PAX6: variants seen among roughly 807,000 people sequenced by gnomAD.
PAX6 encodes the protein paired box 6.
Under a neutral mutation model 60.7 loss-of-function variants are expected in PAX6, and 7 were observed. That is an observed-to-expected ratio of 0.12 (90% CI 0.07 to 0.22). The LOEUF is 0.22. PAX6 is among the 10% of genes least tolerant of loss of function. The probability of loss-of-function intolerance (pLI) is 1.00; values close to 1 mark genes in which losing one functional copy is unlikely to be tolerated. For missense variants in PAX6, 355 were observed against 555.2 expected (o/e 0.64, Z 3.62); for synonymous variants, 208 against 201.2 (o/e 1.03, Z -0.29).
chr11:31,812,364 C>A, upstream of PAX6: 1 of 147,772 alleles, frequency 6.8e-6, no homozygotes, highest in Non-Finnish European at 1.5e-5. Context: ...GTCGGTATGT[C>A]AGCGTGTGTC....
upstream of PAX6, chr11:31,814,990 G>GTCTCTCTCTCTCCCTCTCTCTC (rs1957306754): frequency 7.7e-6 from 1 of 130,368 alleles, no homozygotes; most frequent in Non-Finnish European, 1.6e-5. Context: ...AGGCCAGCCT[G>GTCTCTCTCTCTCCCTCTCTCTC]TCTCTCTCTC....
In PAX6 at chr11:31,794,062, G is replaced by C; in HGVS notation, c.777C>G (p.Ala259=). The change falls in exon 10 of 14, where the codon GCC becomes GCG. Residue 259 remains alanine, a synonymous_variant. Transcript: ENST00000640368. The part of the protein sequence containing the change: ...PDVFARERLA[A]KIDLPEARIQ... ...TTCTTGCTTCAGGTAGATCTATTTT[G>C]GCTGCTAGTCTTTCTCGGGCAAACA... 6.2e-7 allele frequency: 1 copy of C among 1,611,170 alleles called. No homozygotes were observed. The highest frequency in any genetic ancestry group is 8.5e-7 in the Non-Finnish European group (1 of 1,177,346).
intron 1 of PAX6, chr11:31,816,765 G>A (rs1402509619): frequency 1.1e-5 from 7 of 641,150 alleles, no homozygotes; most frequent in Non-Finnish European, 2.0e-5. Context: ...AGCTCCGAAG[G>A]TGCTCCCAGA....
chr11:31,794,497 A>T, intron 9 of PAX6, 133 bp downstream of exon 9: 1 of 855,002 alleles, frequency 1.2e-6, no homozygotes, highest in Non-Finnish European at 1.9e-6. Context: ...ATGCCCAGAG[A>T]AATAAAAAGA....
At chr11:31,806,254 C>A in intron 4 of PAX6, 148 bp downstream of exon 4, 2 of 795,462 alleles carry the variant, frequency 2.5e-6, no homozygotes, top group South Asian at 2.1e-5. Context: ...CTGCCGGGCG[C>A]GGAGCGGGGA....
chr11:31,801,306 T>C lies in PAX6; in HGVS notation c.399+255A>G, dbSNP rs41275154. On this transcript the variant is annotated intron_variant, in intron 7 of 13. Coordinates refer to ENST00000640368, the MANE Select transcript of PAX6 (RefSeq NM_001368894.2). Reference sequence around the variant, plus strand: ...CATTTTCCTTCTTCATTCAAGTGCCTTTCCCTGGTGCCTCCGCCCTCTGTT... The same window carrying C: ...CATTTTCCTTCTTCATTCAAGTGCCCTTCCCTGGTGCCTCCGCCCTCTGTT... 45,206 of 1,418,050 alleles carry C rather than the reference T, an allele frequency of 0.032. 861 individuals carry two copies. The highest frequency in any genetic ancestry group is 0.045 in the South Asian group (2,963 of 66,468). 87.8% of individuals were successfully genotyped at this position (1,418,050 alleles called of 1,614,324 possible). A position where few individuals can be genotyped will look rare whatever the true frequency, so the allele number is the denominator to read the frequency against.
At chr11:31,791,327 C>T (rs1201847756) in intron 12 of PAX6, 2 of 246,494 alleles carry the variant, frequency 8.1e-6, no homozygotes, top group East Asian at 9.3e-5. Context: ...GGTTCAGGGA[C>T]CTTGGGAACC....
intron 8 of PAX6, 99 bp from the exon 9 acceptor site, chr11:31,794,887 C>T (rs1029520803): frequency 2.6e-5 from 29 of 1,120,648 alleles, no homozygotes; most frequent in African/African-American, 6.1e-5. Context: ...CATTATATCC[C>T]GACAGCCTCA....
chr11:31,807,318 C>T (rs1051250909), intron 2 of PAX6: 6 of 152,596 alleles, frequency 3.9e-5, no homozygotes, highest in East Asian at 3.8e-4. Context: ...GGGAAGGGAA[C>T]CTTGGAACTT....
intron 12 of PAX6, 113 bp downstream of exon 12, chr11:31,793,325 T>G: frequency 1.2e-6 from 1 of 855,036 alleles, no homozygotes; most frequent in Non-Finnish European, 2.0e-6. Context: ...CCAATCACTG[T>G]AGTGCGAAAA....
In PAX6 at chr11:31,789,721, T is replaced by C. The variant is rs539058643; in HGVS notation, c.*213A>G. 1.2e-4 allele frequency: 82 copies of C among 704,972 alleles called. No individual in the cohort carries two copies. Among genetic ancestry groups the C allele is most frequent in the East Asian group, 2.7e-5 (1 of 37,272 alleles). 43.7% of individuals were successfully genotyped at this position (704,972 alleles called of 1,614,324 possible). ...AAAAGTTTGGATACCAAAATGAAGA[T>C]TTGTTCCAACTGATATCGTGCCTTC... On this transcript the variant is annotated 3_prime_UTR_variant, in exon 14 of 14. Coordinates refer to ENST00000640368, the MANE Select transcript of PAX6 (RefSeq NM_001368894.2).
upstream of PAX6, among the ~76,000 whole-genome samples, chr11:31,813,303 C>T (rs1386567395): frequency 1.3e-5 from 2 of 148,454 alleles, no homozygotes; most frequent in Non-Finnish European, 3.0e-5. Flanking sequence ...CTCTTTCTCT[C>T]TCCTTTTACT....
In PAX6 at chr11:31,801,633, C is replaced by T. The variant is rs571551224; in HGVS notation, c.327G>A (p.Pro109=). The T allele has an allele frequency of 3.7e-6, 6 of 1,614,102 alleles. No homozygotes were observed. In the African/African-American group the frequency reaches 5.3e-5, roughly 14 times the overall value. The change falls in exon 7 of 14, where the codon CCG becomes CCA. Residue 109 remains proline, a synonymous_variant. Coordinates refer to ENST00000640368, the MANE Select transcript of PAX6 (RefSeq NM_001368894.2). ...SKIAQYKREC[P]SIFAWEIRDR... The stretch of plus-strand genomic sequence containing the variant: ...CTCGGATTTCCCAAGCAAAGATGGA[C>T]GGGCACTCCCGCTTATACTGGGCTA...
intron 12 of PAX6, 37 bp downstream of exon 12, chr11:31,793,401 G>A: frequency 1.3e-6 from 2 of 1,574,728 alleles, no homozygotes; most frequent in Non-Finnish European, 1.7e-6. Flanking sequence ...ACTTCTCTGG[G>A]GCCTGGGTTA....
At chr11:31,800,173 T>C (rs1164582790) in intron 8 of PAX6, among the ~76,000 whole-genome samples, 1 of 151,560 alleles carries the variant, frequency 6.6e-6, no homozygotes. Flanking sequence ...AGTGGGGTGG[T>C]TTTAGTTGGG....
At chr11:31,814,257 G>T (rs1053491241), upstream of PAX6, 5 of 152,244 alleles carry the variant, frequency 3.3e-5, no homozygotes, top group Admixed American at 3.3e-4. Flanking sequence ...CCCGCTGGGG[G>T]ACCGTGGCTC....
In PAX6 at chr11:31,794,574, G is replaced by C. The variant is rs1462665565; in HGVS notation, c.724+56C>G. The C allele has an allele frequency of 6.4e-6, 10 of 1,569,990 alleles. No homozygotes were observed. The East Asian group carries it at 2.0e-4, about 32-fold the overall frequency. Reference sequence around the variant, plus strand: ...CTGGCTAAATTTAGCTCTTTGTACTGAAGATGTGGCATTTACTTTGATTTA... The same window carrying C: ...CTGGCTAAATTTAGCTCTTTGTACTCAAGATGTGGCATTTACTTTGATTTA... On this transcript the variant is annotated intron_variant, in intron 9 of 13. Coordinates refer to ENST00000640368, the MANE Select transcript of PAX6 (RefSeq NM_001368894.2).
At chr11:31,802,397 T>C in intron 5 of PAX6, 1 of 399,238 alleles carries the variant, frequency 2.5e-6, no homozygotes. Flanking sequence ...GTTCATAAAC[T>C]GTTCCCACAA....
intron 13 of PAX6, chr11:31,790,326 C>G (rs546255637): frequency 1.5e-6 from 1 of 684,782 alleles, no homozygotes; most frequent in African/African-American, 1.8e-5. Context: ...TCTGGAAAAC[C>G]AATGTGTCAC....
Sources: allele counts gnomAD v4.1 joint callset (sites outside exome capture counted in the v4.1 genomes callset), GRCh38; gene constraint gnomAD v4.1.1; transcripts MANE v1.5; gene names NCBI Gene and HGNC (gene_info 2026-07-23, HGNC 2026-07-21).